The following FAM210A variants were observed in gnomAD, a reference collection of about 807,000 sequenced individuals.
FAM210A encodes the protein mitochondrial inner membrane scaffold 1.
Under a neutral mutation model 25.3 loss-of-function variants are expected in FAM210A, and 13 were observed. That is an observed-to-expected ratio of 0.51 (90% confidence interval 0.33 to 0.82). The LOEUF (loss-of-function observed/expected upper bound fraction) is 0.82. Among genes scored for constraint, FAM210A ranks in the 40% least tolerant of loss-of-function variants. FAM210A has a pLI of 0.02. For missense variants in FAM210A, 319 were observed against 323.2 expected (o/e 0.99, Z 0.10); for synonymous variants, 125 against 118.7 (o/e 1.05, Z -0.35).
intron 1 of FAM210A, among the ~76,000 whole-genome samples, chr18:13,702,351 C>A (rs961015832): frequency 4.6e-5 from 7 of 152,262 alleles, no homozygotes; most frequent in Admixed American, 1.3e-4. Context: ...CTGTATCCTT[C>A]TGTCATAAAG....
chr18:13,664,477 A>C lies in FAM210A; in HGVS notation c.*2003T>G, dbSNP rs1207121543. The C allele has an allele frequency of 1.3e-5, 2 of 152,236 alleles. No individual in the cohort carries two copies. The highest frequency in any genetic ancestry group is 4.8e-5 in the African/African-American group (2 of 41,466). The allele number at this position is 152,236 out of a possible 1,614,324, so 9.4% of individuals were successfully genotyped here. A position where few individuals can be genotyped will look rare whatever the true frequency, so the allele number is the denominator to read the frequency against. ...AGGAACATGTTTAATATCTTAAAAA[A>C]CAGCACTTAAACCTGCAAAAATGTG... On this transcript the variant is annotated 3_prime_UTR_variant, in exon 4 of 4. Coordinates refer to ENST00000651643, the MANE Select transcript of FAM210A (RefSeq NM_152352.4).
chr18:13,709,129 C>T (rs1192385329), intron 1 of FAM210A, among the ~76,000 whole-genome samples: 6 of 152,196 alleles, frequency 3.9e-5, no homozygotes, highest in African/African-American at 1.4e-4. Flanking sequence ...CTATTCCATA[C>T]CTTTCCAAAT....
At chr18:13,707,975 C>A (rs2043792550) in intron 1 of FAM210A, among the ~76,000 whole-genome samples, 2 of 152,120 alleles carry the variant, frequency 1.3e-5, no homozygotes, top group South Asian at 4.1e-4. Context: ...ATTCTGGGGG[C>A]TGCCCAATTT....
intron 2 of FAM210A, among the ~76,000 whole-genome samples, chr18:13,673,287 C>G (rs2043459116): frequency 6.6e-6 from 1 of 150,880 alleles, no homozygotes; most frequent in Non-Finnish European, 1.5e-5. Flanking sequence ...TTCCTGAGCC[C>G]CGACTTCTTT....
intron 1 of FAM210A, among the ~76,000 whole-genome samples, chr18:13,701,029 T>C (rs745346640): frequency 3.9e-5 from 6 of 152,224 alleles, no homozygotes; most frequent in Non-Finnish European, 7.3e-5. Context: ...GGCTGCCTGA[T>C]TTGCAAATCA....
At chr18:13,693,296 GCC>G (rs2043664288) in intron 1 of FAM210A, among the ~76,000 whole-genome samples, 1 of 152,158 alleles carries the variant, frequency 6.6e-6, no homozygotes, top group South Asian at 2.1e-4. Context: ...CAGATTCACA[GCC>G]AAATTCTACC....
chr18:13,691,274 G>A (rs553450166), intron 1 of FAM210A, among the ~76,000 whole-genome samples: 147 of 152,280 alleles, frequency 9.7e-4, no homozygotes, highest in African/African-American at 3.1e-3. Flanking sequence ...CCAAATCTAC[G>A]TCTGATTGGT....
chr18:13,723,554 C>T (rs367925190), intron 1 of FAM210A, among the ~76,000 whole-genome samples: 3 of 152,176 alleles, frequency 2.0e-5, no homozygotes, highest in African/African-American at 7.2e-5. Context: ...CTGTCTTCTT[C>T]AGGACACTTC....
intron 1 of FAM210A, among the ~76,000 whole-genome samples, chr18:13,685,387 C>T (rs934490691): frequency 6.6e-6 from 1 of 151,586 alleles, no homozygotes; most frequent in East Asian, 1.9e-4. Flanking sequence ...AATCCTGAAG[C>T]GGTTAACTGA....
chr18:13,669,493 T>C (rs1393370941), intron 3 of FAM210A, among the ~76,000 whole-genome samples: 1 of 152,132 alleles, frequency 6.6e-6, no homozygotes, highest in African/African-American at 2.4e-5. Context: ...ATTTTCTCTG[T>C]TTGGAATGCT....
chr18:13,673,141 A>T (rs1033947118), intron 2 of FAM210A, among the ~76,000 whole-genome samples: 1 of 150,704 alleles, frequency 6.6e-6, no homozygotes, highest in African/African-American at 2.5e-5. Context: ...TTTCCTTATT[A>T]ACCTTCCTGA....
chr18:13,718,475 G>C (rs2043876975), intron 1 of FAM210A, among the ~76,000 whole-genome samples: 1 of 151,918 alleles, frequency 6.6e-6, no homozygotes, highest in East Asian at 1.9e-4. Flanking sequence ...AAGAATGCAA[G>C]GACATGTAAT....
intron 1 of FAM210A, among the ~76,000 whole-genome samples, chr18:13,696,369 T>C (rs1197133923): frequency 1.3e-5 from 2 of 152,204 alleles, no homozygotes; most frequent in Admixed American, 1.3e-4. Flanking sequence ...AATTGGTAAG[T>C]TGGACTTCAC....
chr18:13,683,909 A>G (rs1229932400), intron 1 of FAM210A, among the ~76,000 whole-genome samples: 1 of 152,192 alleles, frequency 6.6e-6, no homozygotes, highest in Non-Finnish European at 1.5e-5. Context: ...CAAAACAAAA[A>G]CTGTCATCAT....
At chr18:13,688,698 A>G (rs1464780457) in intron 1 of FAM210A, among the ~76,000 whole-genome samples, 1 of 152,228 alleles carries the variant, frequency 6.6e-6, no homozygotes, top group Non-Finnish European at 1.5e-5. Flanking sequence ...TGACGAGCCA[A>G]AGGGTCCACT....
In FAM210A at chr18:13,666,498, A is replaced by T; in HGVS notation, c.801T>A (p.Phe267Leu). 6.2e-7 allele frequency: 1 copy of T among 1,613,456 alleles called. No individual in the cohort carries two copies. The highest frequency in any genetic ancestry group is 8.5e-7 in the Non-Finnish European group (1 of 1,179,728). The change falls in exon 4 of 4, where the codon TTT becomes TTA. Residue 267 changes from phenylalanine to leucine, a missense_variant. Physicochemically the swap from Phe to Leu is conservative, Grantham distance 22 (BLOSUM62 0). Transcript: ENST00000651643. ...AGGCACCTTATTCCACTTTTTTCTT[A>T]AAGGAAACTTTTTCTTTGGTTTCTT... is the stretch of plus-strand genomic sequence containing the variant. ...KLQETKEKVS[F>L]KKKVE is the part of the protein sequence containing the mutation.
At chr18:13,666,757 A>G in intron 3 of FAM210A, 44 bp from the exon 4 acceptor site, 1 of 1,544,184 alleles carries the variant, frequency 6.5e-7, no homozygotes, top group Non-Finnish European at 8.8e-7. Context: ...CCTGGTTATT[A>G]CTGTCATCTT....
chr18:13,715,884 T>C (rs1345926845), intron 1 of FAM210A, among the ~76,000 whole-genome samples: 3 of 152,288 alleles, frequency 2.0e-5, no homozygotes, highest in Non-Finnish European at 4.4e-5. Context: ...CTATCCTTGT[T>C]TCTACTGTGG....
chr18:13,674,984 T>C (rs1360535604), intron 2 of FAM210A, among the ~76,000 whole-genome samples: 7 of 149,090 alleles, frequency 4.7e-5, no homozygotes, highest in African/African-American at 1.2e-4. Context: ...GAGCCCTGGC[T>C]TCTTTATTTC....
Sources: gnomAD v4.1 joint callset for allele counts (sites outside exome capture counted in the v4.1 genomes callset) on GRCh38, gnomAD v4.1.1 for gene constraint, MANE v1.5 for transcripts, NCBI Gene and HGNC (gene_info 2026-07-23, HGNC 2026-07-21) for gene names.